Variants in UBE3D observed in about 807,000 individuals in gnomAD.
UBE3D encodes the protein E3 ubiquitin-protein ligase E3D.
Under a neutral mutation model 49.6 loss-of-function variants are expected in UBE3D, and 48 were observed. The observed-to-expected ratio is 0.97, with a 90% CI of 0.77 to 1.23. The LOEUF (loss-of-function observed/expected upper bound fraction) is 1.23. Among genes scored for constraint, UBE3D ranks in the 50% most tolerant of loss-of-function variants. The probability of loss-of-function intolerance (pLI) is 0.00; values close to 1 mark genes in which losing one functional copy is unlikely to be tolerated. For missense variants in UBE3D, 452 were observed against 468.4 expected, an observed-to-expected ratio of 0.96 and a Z score of 0.32; for synonymous variants, 189 against 174.2, an observed-to-expected ratio of 1.08 and a Z score of -0.67.
chr6:82,893,289 T>C (rs1418512659), intron 9 of UBE3D, among the ~76,000 whole-genome samples: 2 of 152,182 alleles, frequency 1.3e-5, no homozygotes, highest in South Asian at 2.1e-4. Flanking sequence ...AGAGTTTTAA[T>C]TGAAACTAAA....
At chr6:82,976,867 C>A (rs940436233) in intron 8 of UBE3D, among the ~76,000 whole-genome samples, 9 of 152,082 alleles carry the variant, frequency 5.9e-5, no homozygotes, top group South Asian at 2.1e-4. Flanking sequence ...GTAATCCCAG[C>A]ACTTTGGGAG....
chr6:82,957,235 G>A (rs1195304651), intron 9 of UBE3D, 77 bp downstream of exon 9: 69 of 1,499,874 alleles, frequency 4.6e-5, no homozygotes, highest in Non-Finnish European at 5.7e-5. Flanking sequence ...GCTATCTCCT[G>A]TGAAAGAGAG....
At chr6:83,027,458 A>AAAAAAAAAAAAAC (rs571635643) in intron 5 of UBE3D, among the ~76,000 whole-genome samples, 1 of 147,466 alleles carries the variant, frequency 6.8e-6, no homozygotes, top group Non-Finnish European at 1.5e-5. Context: ...AAAAAAAAAA[A>AAAAAAAAAAAAAC]AAAGAAACCA....
chr6:82,939,353 T>C (rs1774833741), intron 9 of UBE3D, among the ~76,000 whole-genome samples: 1 of 152,194 alleles, frequency 6.6e-6, no homozygotes, highest in African/African-American at 2.4e-5. Flanking sequence ...TGTATTGTTT[T>C]GCTAATGAAA....
At chr6:82,919,958 A>G (rs1020165801) in intron 9 of UBE3D, among the ~76,000 whole-genome samples, 8 of 152,220 alleles carry the variant, frequency 5.3e-5, no homozygotes, top group Admixed American at 2.6e-4. Flanking sequence ...TGAAAACACT[A>G]CTTGAGAAAA....
intron 9 of UBE3D, among the ~76,000 whole-genome samples, chr6:82,900,527 T>C (rs1005351715): frequency 6.6e-6 from 1 of 152,212 alleles, no homozygotes; most frequent in Non-Finnish European, 1.5e-5. Flanking sequence ...ATTTTAGCTA[T>C]AAATATTAAT....
chr6:83,001,934 T>A lies in UBE3D; in HGVS notation c.1010+17039A>T, dbSNP rs1582604006. ...CACCTCATATCACAGTGATTCTTAA[T>A]TTTTTTTTTCAGCTGTGGAACCCTT... On this transcript the variant is annotated intron_variant, in intron 8 of 9. Coordinates refer to ENST00000369747, the MANE Select transcript of UBE3D (RefSeq NM_198920.3). Among the ~76,000 whole-genome samples the A allele has an allele frequency of 3.0e-5, 4 of 133,990 alleles. No homozygotes were observed. In the Admixed American group the frequency reaches 3.0e-4, roughly 10 times the overall value. The allele number at this position is 133,990 out of a possible 152,430, so 87.9% of individuals were successfully genotyped here. A position where few individuals can be genotyped will look rare whatever the true frequency, so the allele number is the denominator to read the frequency against.
chr6:82,894,999 A>G (rs1318434990), intron 9 of UBE3D, among the ~76,000 whole-genome samples: 2 of 152,228 alleles, frequency 1.3e-5, no homozygotes, highest in Non-Finnish European at 1.5e-5. Flanking sequence ...GATAACATTG[A>G]TAAATGACAT....
chr6:83,061,210 ATC>A (rs1784148710), intron 1 of UBE3D, among the ~76,000 whole-genome samples: 1 of 152,206 alleles, frequency 6.6e-6, no homozygotes, highest in African/African-American at 2.4e-5. Flanking sequence ...TGATTGTACT[ATC>A]ATCTTGCAAA....
At chr6:82,987,909 CAT>C (rs1448691689) in intron 8 of UBE3D, among the ~76,000 whole-genome samples, 1 of 152,138 alleles carries the variant, frequency 6.6e-6, no homozygotes, top group East Asian at 1.9e-4. Context: ...GAATAAATGA[CAT>C]GTGTCAACAT....
chr6:83,059,874 A>T (rs1163704959), intron 1 of UBE3D, among the ~76,000 whole-genome samples: 1 of 152,212 alleles, frequency 6.6e-6, no homozygotes, highest in African/African-American at 2.4e-5. Context: ...CAGGGGTGTC[A>T]AATCCCAAGA....
At chr6:83,007,411 T>A (rs912808677) in intron 8 of UBE3D, among the ~76,000 whole-genome samples, 1 of 152,168 alleles carries the variant, frequency 6.6e-6, no homozygotes, top group African/African-American at 2.4e-5. Context: ...GAATTCAATT[T>A]TAGCTTAAAT....
intron 1 of UBE3D, chr6:83,063,167 CT>C: frequency 3.6e-6 from 1 of 281,556 alleles, no homozygotes; most frequent in Non-Finnish European, 7.1e-6. Flanking sequence ...AATCCCAGCA[CT>C]TTGGGAGTCC....
chr6:82,896,690 T>C (rs1771343239), intron 9 of UBE3D, among the ~76,000 whole-genome samples: 1 of 152,212 alleles, frequency 6.6e-6, no homozygotes, highest in South Asian at 2.1e-4. Context: ...ATAACAAATT[T>C]ATAATAACTG....
At chr6:83,000,215 C>A (rs575986018) in intron 8 of UBE3D, among the ~76,000 whole-genome samples, 2 of 152,270 alleles carry the variant, frequency 1.3e-5, no homozygotes, top group South Asian at 4.1e-4. Flanking sequence ...ATTTACAAAT[C>A]CAGCCCCAAC....
intron 4 of UBE3D, among the ~76,000 whole-genome samples, chr6:83,042,376 A>C (rs1291766579): frequency 6.6e-6 from 1 of 152,094 alleles, no homozygotes; most frequent in Non-Finnish European, 1.5e-5. Flanking sequence ...AGGCTATGGA[A>C]GAAAAGAAAG....
intron 8 of UBE3D, among the ~76,000 whole-genome samples, chr6:83,002,714 T>C (rs1202288723): frequency 6.6e-6 from 1 of 152,156 alleles, no homozygotes; most frequent in African/African-American, 2.4e-5. Context: ...TGGTGGGGGC[T>C]AGCTGGGCCC....
At chr6:82,917,210 G>A (rs1291771340) in intron 9 of UBE3D, among the ~76,000 whole-genome samples, 1 of 152,132 alleles carries the variant, frequency 6.6e-6, no homozygotes, top group Non-Finnish European at 1.5e-5. Context: ...GCTCAACTGG[G>A]AAGAAAGAAG....
chr6:83,024,637 T>C (rs1406331293), intron 5 of UBE3D, among the ~76,000 whole-genome samples: 1 of 152,164 alleles, frequency 6.6e-6, no homozygotes, highest in Non-Finnish European at 1.5e-5. Context: ...GTTAAAACTC[T>C]ATTGATCACC....
Sources: allele counts gnomAD v4.1 joint callset (sites outside exome capture counted in the v4.1 genomes callset), GRCh38; gene constraint gnomAD v4.1.1; transcripts MANE v1.5; gene names NCBI Gene and HGNC (gene_info 2026-07-23, HGNC 2026-07-21).